MACF1: variants seen among roughly 807,000 people sequenced by gnomAD.
MACF1 encodes microtubule-actin cross-linking factor 1.
A neutral mutation model predicts 854.8 loss-of-function variants in MACF1; 193 were observed. The observed-to-expected ratio is 0.23, with a 90% CI of 0.20 to 0.25. The LOEUF (loss-of-function observed/expected upper bound fraction) is 0.25. Ranked by LOEUF, MACF1 falls within the 10% of genes least tolerant of loss-of-function variation. The probability of loss-of-function intolerance (pLI) is 1.00; values close to 1 mark genes in which losing one functional copy is unlikely to be tolerated. For synonymous variants in MACF1, 3,185 were observed against 3,226.7 expected, an observed-to-expected ratio of 0.99 and a Z score of 0.44; for missense variants, 7,722 against 8,929.1, an observed-to-expected ratio of 0.86 and a Z score of 5.45.
In MACF1 at chr1:39,385,762, C is replaced by G; in HGVS notation, c.14177C>G (p.Thr4726Ser). ...GCTGTAAAGCAGCAATTGGAAGAGA[C>G]CAGTGAAATTCGATCTGACTTGGAG... Reference protein sequence around the residue: ...PEAVKQQLEETSEIRSDLEQL... With the variant: ...PEAVKQQLEESSEIRSDLEQL... Residue 4726 changes from threonine (T) to serine (S), a missense_variant, in exon 57 of 101, where the codon ACC becomes AGC. Coordinates refer to ENST00000564288, the MANE Select transcript of MACF1 (RefSeq NM_001394062.1). 2 of 1,614,078 alleles carry G rather than the reference C, an allele frequency of 1.2e-6. No individual in the cohort carries two copies. Among genetic ancestry groups the G allele is most frequent in the East Asian group, 4.5e-5 (2 of 44,878 alleles).
chr1:39,328,798 A>G (rs1011620993), intron 36 of MACF1: 2 of 152,200 alleles, frequency 1.3e-5, no homozygotes, highest in African/African-American at 2.4e-5. Context: ...GTAGGACAGA[A>G]ATGAGTTTCT....
At chr1:39,255,652 C>T (rs528845531) in intron 5 of MACF1, among the ~76,000 whole-genome samples, 20 of 152,146 alleles carry the variant, frequency 1.3e-4, no homozygotes, top group Non-Finnish European at 2.8e-4. Context: ...TCCGTGAGGA[C>T]GGGGAATAAG....
rs1306958039 is a variant in MACF1, at chr1:39,105,408, C to A, written c.220+20970C>A. The A allele has an allele frequency of 4.1e-6, 4 of 987,098 alleles. No homozygotes were observed. The highest frequency in any genetic ancestry group is 6.2e-5 in the Admixed American group (1 of 16,154). The allele number at this position is 987,098 out of a possible 1,614,324, so 61.1% of individuals were successfully genotyped here. A position where few individuals can be genotyped will look rare whatever the true frequency, so the allele number is the denominator to read the frequency against. ...AGGGGTGAGGACGCGGAAACGCGAGCCGGGACCGGCGGAGCGCGAGCGGGC... is the reference window on the plus strand; with the variant it reads ...AGGGGTGAGGACGCGGAAACGCGAGACGGGACCGGCGGAGCGCGAGCGGGC... On this transcript the variant is annotated intron_variant, in intron 2 of 93. Transcript: ENST00000361689. This position sits in a 1 kb window ranked among gnomAD's most constrained non-coding sequence, Gnocchi z 5.9.
At chr1:39,127,500 G>C (rs1455025083) in intron 2 of MACF1, among the ~76,000 whole-genome samples, 1 of 152,112 alleles carries the variant, frequency 6.6e-6, no homozygotes, top group Non-Finnish European at 1.5e-5. Context: ...GAGAAAAGTG[G>C]GTCTCAGCCA....
Position 39,324,712 on chromosome 1 carries a change from T to G in MACF1, c.4456T>G (p.Phe1486Val), listed in dbSNP as rs776366517. 1.1e-5 allele frequency: 17 copies of G among 1,613,632 alleles called. No individual in the cohort carries two copies. The highest frequency in any genetic ancestry group is 1.4e-5 in the Non-Finnish European group (17 of 1,179,666). The change falls in exon 35 of 101, where the codon TTC becomes GTC. Residue 1486 changes from phenylalanine to valine, a missense_variant. Transcript: ENST00000564288. Reference sequence around the variant, plus strand: ...TGAAGCTATTAAAACATCACAGATCTTCTTGGCCAAGCATGGTCATAAGTG... The same window carrying G: ...TGAAGCTATTAAAACATCACAGATCGTCTTGGCCAAGCATGGTCATAAGTG... ...VSEAIKTSQI[F>V]LAKHGHKLSE...
intron 2 of MACF1, among the ~76,000 whole-genome samples, chr1:39,180,350 T>A (rs1234510099): frequency 6.6e-6 from 1 of 152,086 alleles, no homozygotes; most frequent in Non-Finnish European, 1.5e-5. Flanking sequence ...GCATGGTGGC[T>A]CGTATCTGTA....
intron 15 of MACF1, among the ~76,000 whole-genome samples, chr1:39,289,681 C>CTGTGGGTT (rs1330993104): frequency 1.3e-5 from 1 of 76,202 alleles, no homozygotes; most frequent in Non-Finnish European, 2.7e-5. Context: ...TTCTCCCATT[C>CTGTGGGTT]TGTGGGTTGT....
intron 1 of MACF1, among the ~76,000 whole-genome samples, chr1:39,223,787 G>A (rs1644681992): frequency 6.6e-6 from 1 of 152,136 alleles, no homozygotes; most frequent in Non-Finnish European, 1.5e-5. Context: ...AAAGTGCTGG[G>A]ATTACAGGTG....
At chr1:39,376,282 A>C (rs906733720) in intron 52 of MACF1, among the ~76,000 whole-genome samples, 2 of 152,242 alleles carry the variant, frequency 1.3e-5, no homozygotes, top group Admixed American at 1.3e-4. Flanking sequence ...CATTAAACAC[A>C]ATCCCTAAAG....
intron 99 of MACF1, among the ~76,000 whole-genome samples, chr1:39,481,503 A>G (rs1377366409): frequency 2.0e-5 from 3 of 152,198 alleles, no homozygotes; most frequent in Admixed American, 1.3e-4. Context: ...GCCACACCAC[A>G]CTGGTCCGAG....
chr1:39,243,152 G>T (rs962588468), intron 2 of MACF1, among the ~76,000 whole-genome samples: 1 of 152,118 alleles, frequency 6.6e-6, no homozygotes, highest in Non-Finnish European at 1.5e-5. Flanking sequence ...GCTAATCACT[G>T]CGGTTTTGAT....
Position 39,336,412 on chromosome 1 carries a change from T to C in MACF1, c.9824T>C (p.Leu3275Pro), listed in dbSNP as rs775896045. Residue 3275 changes from leucine to proline, a missense_variant, in exon 37 of 101, where the codon CTG becomes CCG. Leu to Pro is a moderately conservative substitution (Grantham distance 98). Coordinates refer to ENST00000564288, the MANE Select transcript of MACF1 (RefSeq NM_001394062.1). ...TTGGGATCCTTTCTTCCAGAGAAAC[T>C]GTTCAAAGGAGTGTCTCAAAAAGAG... ...RVLGSFLPEKLFKGVSQKENT... is the reference protein window; with the variant it reads ...RVLGSFLPEKPFKGVSQKENT... 3.1e-6 allele frequency: 5 copies of C among 1,614,152 alleles called. No homozygotes were observed. The highest frequency in any genetic ancestry group is 4.2e-6 in the Non-Finnish European group (5 of 1,180,002).
rs1246241408 is a variant in MACF1 at position 39,372,469 on chromosome 1, C to T, written c.13096-10C>T. On this transcript the variant is annotated splice_polypyrimidine_tract_variant and intron_variant, in intron 51 of 100. Transcript: ENST00000564288. ...AGATACTACATTTGGCCATTTTCTT[C>T]TTTAAACAGAGTCTACTAGATGACT... 2 of 1,566,354 alleles carry T rather than the reference C, an allele frequency of 1.3e-6. No individual in the cohort carries two copies. Among genetic ancestry groups the T allele is most frequent in the African/African-American group, 1.4e-5 (1 of 73,890 alleles).
intron 26 of MACF1, among the ~76,000 whole-genome samples, chr1:39,312,864 T>C (rs1172855135): frequency 6.6e-6 from 1 of 152,052 alleles, no homozygotes; most frequent in Non-Finnish European, 1.5e-5. Flanking sequence ...GATATAATAC[T>C]GCTATCCAAG....
intron 58 of MACF1, among the ~76,000 whole-genome samples, chr1:39,406,738 CAAA>C (rs5773658): frequency 6.3e-4 from 20 of 31,834 alleles, no homozygotes; most frequent in African/African-American, 5.9e-4. Flanking sequence ...GAGTCTCACT[CAAA>C]AAAAAAAAAA....
chr1:39,452,832 T>A lies in MACF1; in HGVS notation c.20742+20T>A. 1 of 1,611,806 alleles carries A rather than the reference T, an allele frequency of 6.2e-7. No individual in the cohort carries two copies. The highest frequency in any genetic ancestry group is 8.5e-7 in the Non-Finnish European group (1 of 1,178,254). Reference sequence around the variant, plus strand: ...CATAAGGTAATCCAGCCTTGGGGTTTGGTGACCTCATGCTACCTACCACCT... The same window carrying A: ...CATAAGGTAATCCAGCCTTGGGGTTAGGTGACCTCATGCTACCTACCACCT... On this transcript the variant is annotated intron_variant, in intron 87 of 100. Coordinates refer to ENST00000564288, the MANE Select transcript of MACF1 (RefSeq NM_001394062.1).
At chr1:39,252,161 AGGGTT>A (rs1645047088) in intron 4 of MACF1, among the ~76,000 whole-genome samples, 2 of 152,202 alleles carry the variant, frequency 1.3e-5, no homozygotes, top group African/African-American at 4.8e-5. Flanking sequence ...TTAGCTGAGA[AGGGTT>A]GGCACAAAAA....
At position 39,486,514 on chromosome 1, in the gene MACF1, A is replaced by G. The variant is rs1645102493; in HGVS notation, c.*720A>G. The G allele has an allele frequency of 6.6e-6, 1 of 152,620 alleles. No homozygotes were observed. Among genetic ancestry groups the G allele is most frequent in the African/African-American group, 2.4e-5 (1 of 41,446 alleles). The allele number at this position is 152,620 out of a possible 1,614,324, so 9.5% of individuals were successfully genotyped here. A position where few individuals can be genotyped will look rare whatever the true frequency, so the allele number is the denominator to read the frequency against. On this transcript the variant is annotated 3_prime_UTR_variant, in exon 101 of 101. Transcript: ENST00000564288. ...GTTTTAAACTGATTTGTTGCTCCCTATCCAGCCTAGACACCAGTAACTCTT... is the reference window on the plus strand; with the variant it reads ...GTTTTAAACTGATTTGTTGCTCCCTGTCCAGCCTAGACACCAGTAACTCTT...
intron 49 of MACF1, among the ~76,000 whole-genome samples, chr1:39,365,660 A>G (rs575880802): frequency 6.6e-5 from 10 of 151,378 alleles, no homozygotes; most frequent in South Asian, 4.2e-4. Flanking sequence ...CTTTGAGTCT[A>G]TTTCTGGATT....
Sources: allele counts gnomAD v4.1 joint callset (sites outside exome capture counted in the v4.1 genomes callset), GRCh38; gene constraint gnomAD v4.1.1; non-coding constraint Gnocchi (gnomAD v3.1); transcripts MANE v1.5; gene names NCBI Gene and HGNC (gene_info 2026-07-23, HGNC 2026-07-21).